Variants in CTNND1 observed in about 807,000 individuals in gnomAD.
CTNND1 encodes catenin delta-1.
CTNND1 carries 16 observed loss-of-function variants against 112.1 expected under a neutral mutation model. The observed-to-expected ratio is 0.14, with a 90% CI of 0.10 to 0.22. CTNND1 has a LOEUF of 0.22. Among genes scored for constraint, CTNND1 ranks in the 10% least tolerant of loss-of-function variants. The pLI, the probability that CTNND1 is intolerant of heterozygous loss-of-function variation, is 1.00. For synonymous variants in CTNND1, 420 were observed against 446.5 expected (o/e 0.94, Z 0.75); for missense variants, 1,008 against 1,257.0 (o/e 0.80, Z 3.00).
At chr11:57,809,922 G>T (rs2063132651) in intron 15 of CTNND1, among the ~76,000 whole-genome samples, 187 bp from the exon 16 acceptor site, 1 of 152,128 alleles carries the variant, frequency 6.6e-6, no homozygotes, top group Non-Finnish European at 1.5e-5. Flanking sequence ...TGTTAGCCAA[G>T]ATGGTCTCCA....
Position 57,808,303 on chromosome 11 carries a change from G to C in CTNND1, c.2091+11G>C, listed in dbSNP as rs1281755748. ...GCTGGGCGCTGGACGGTACCTTTTA[G>C]AAAAGGGATTTGGAGATGGGAAAAC... On this transcript the variant is annotated intron_variant, in intron 13 of 20. Transcript: ENST00000399050. The C allele has an allele frequency of 1.9e-6, 3 of 1,604,704 alleles. No individual in the cohort carries two copies. The highest frequency in any genetic ancestry group is 2.6e-6 in the Non-Finnish European group (3 of 1,172,266).
At chr11:57,765,442 T>C (rs1950814039) in intron 1 of CTNND1, among the ~76,000 whole-genome samples, 1 of 151,632 alleles carries the variant, frequency 6.6e-6, no homozygotes, top group Non-Finnish European at 1.5e-5. Flanking sequence ...TTTAACCTTT[T>C]ATGCGTCTCC....
chr11:57,763,357 G>A (rs1389223945), intron 1 of CTNND1, among the ~76,000 whole-genome samples: 3 of 152,094 alleles, frequency 2.0e-5, no homozygotes, highest in Admixed American at 1.3e-4. Flanking sequence ...CTGCTCATTA[G>A]CTTTAAACTG....
intron 20 of CTNND1, 37 bp from the exon 21 acceptor site, chr11:57,816,260 C>T (rs1196252745): frequency 3.1e-6 from 5 of 1,613,468 alleles, no homozygotes; most frequent in Admixed American, 1.7e-5. Context: ...TAATCCCAAC[C>T]CCATTAACAT....
At chr11:57,768,726 G>A (rs1951783007) in intron 1 of CTNND1, among the ~76,000 whole-genome samples, 1 of 151,988 alleles carries the variant, frequency 6.6e-6, no homozygotes, top group East Asian at 1.9e-4. Flanking sequence ...CCTTATTTGT[G>A]GACATTTATA....
At chr11:57,793,903 C>A in intron 3 of CTNND1, 107 bp from the exon 4 acceptor site, 1 of 1,044,564 alleles carries the variant, frequency 9.6e-7, no homozygotes, top group Non-Finnish European at 1.5e-6. Context: ...CCAGGCCACA[C>A]ATATCTTCTT....
intron 6 of CTNND1, among the ~76,000 whole-genome samples, chr11:57,800,458 G>T (rs753080653): frequency 7.2e-5 from 11 of 151,952 alleles, no homozygotes; most frequent in Non-Finnish European, 1.5e-4. Context: ...AGTAGAGATG[G>T]TGTTTTTCCA....
In CTNND1 at chr11:57,796,955, C is replaced by A. The variant is rs200103203; in HGVS notation, c.919C>A (p.Arg307=). 2.0e-6 allele frequency: 3 copies of A among 1,531,850 alleles called. No individual in the cohort carries two copies. The highest frequency in any genetic ancestry group is 2.7e-6 in the Non-Finnish European group (3 of 1,131,436). The allele number at this position is 1,531,850 out of a possible 1,614,324, so 94.9% of individuals were successfully genotyped here. Residue 307 remains arginine (R), a synonymous_variant, in exon 6 of 21, where the codon CGG becomes AGG. Coordinates refer to ENST00000399050, the MANE Select transcript of CTNND1 (RefSeq NM_001085458.2). Reference sequence around the variant, plus strand: ...GATGTCTGATTATGGCACTGCCCGTCGGACTGGGACACCCTCTGACCCTCG... The same window carrying A: ...GATGTCTGATTATGGCACTGCCCGTAGGACTGGGACACCCTCTGACCCTCG... ...GMMSDYGTAR[R]TGTPSDPRRR... is the part of the protein sequence containing the mutation.
At chr11:57,803,592 A>C in intron 7 of CTNND1, 29 bp from the exon 8 acceptor site, 1 of 1,577,400 alleles carries the variant, frequency 6.3e-7, no homozygotes, top group South Asian at 1.2e-5. Context: ...TGAATGCTCA[A>C]GAGCCATCTG....
rs375957333 is a variant in CTNND1 at position 57,803,594 on chromosome 11, A to G, written c.1421-27A>G. On this transcript the variant is annotated intron_variant, in intron 7 of 20. Transcript: ENST00000399050. The stretch of plus-strand genomic sequence containing the variant: ...AGACATATTGTCTTGAATGCTCAAG[A>G]GCCATCTGATGAATTGTCTCTTCCA... 8.4e-5 allele frequency: 133 copies of G among 1,580,030 alleles called. No individual in the cohort carries two copies. The African/African-American group carries it at 1.5e-3, about 18-fold the overall frequency.
chr11:57,811,032 C>A lies in CTNND1; in HGVS notation c.2551-367C>A, dbSNP rs932986083. Among the ~76,000 whole-genome samples, 5 of 152,020 alleles carry A rather than the reference C, an allele frequency of 3.3e-5. No individual in the cohort carries two copies. The East Asian group carries it at 9.7e-4, about 29-fold the overall frequency. On this transcript the variant is annotated intron_variant, in intron 16 of 20. Transcript: ENST00000399050. ...GTGTCTACAATTCATTTGTTGCCGA[C>A]ACAGCTCAGGTATCCCTCTATGTCA... is the stretch of plus-strand genomic sequence containing the variant.
chr11:57,787,314 G>A (rs1591386134), intron 1 of CTNND1, among the ~76,000 whole-genome samples: 1 of 152,106 alleles, frequency 6.6e-6, no homozygotes, highest in East Asian at 1.9e-4. Context: ...TTAGGAGTAG[G>A]GAAACCAGCC....
At chr11:57,776,565 C>T (rs1347064070) in intron 1 of CTNND1, among the ~76,000 whole-genome samples, 2 of 152,148 alleles carry the variant, frequency 1.3e-5, no homozygotes, top group African/African-American at 4.8e-5. Flanking sequence ...CCTTCCTACC[C>T]ATTGAGTATT....
intron 2 of CTNND1, among the ~76,000 whole-genome samples, chr11:57,790,762 G>T (rs2060651838): frequency 6.6e-6 from 1 of 151,870 alleles, no homozygotes; most frequent in Non-Finnish European, 1.5e-5. Context: ...GTTTCACTAT[G>T]TTGGCCAGAC....
At chr11:57,813,961 C>T (rs762921628) in intron 17 of CTNND1, 14 of 170,680 alleles carry the variant, frequency 8.2e-5, no homozygotes, top group Non-Finnish European at 1.5e-4. Flanking sequence ...GACTGTAAAA[C>T]GGCCTTGAGA....
chr11:57,781,443 ATT>A (rs1389250286), intron 1 of CTNND1, among the ~76,000 whole-genome samples: 1 of 151,808 alleles, frequency 6.6e-6, no homozygotes, highest in African/African-American at 2.4e-5. Context: ...GCTTTTTCTT[ATT>A]TTTCATAGTG....
At chr11:57,769,021 C>T (rs1390210960) in intron 1 of CTNND1, among the ~76,000 whole-genome samples, 1 of 150,946 alleles carries the variant, frequency 6.6e-6, no homozygotes, top group African/African-American at 2.4e-5. Context: ...AAAAATGAGA[C>T]AGAGGCTGGG....
At chr11:57,806,861 C>A in intron 11 of CTNND1, 54 bp from the exon 12 acceptor site, 1 of 1,442,542 alleles carries the variant, frequency 6.9e-7, no homozygotes, top group Non-Finnish European at 9.5e-7. Flanking sequence ...CAGGTGGAAT[C>A]TTTTCTTTTT....
Position 57,786,023 on chromosome 11 carries a change from T to G in CTNND1, c.-213-3014T>G, listed in dbSNP as rs571229596. 2.0e-5 allele frequency among the ~76,000 whole-genome samples: 3 copies of G among 152,254 alleles called. No individual in the cohort carries two copies. In the East Asian group the frequency reaches 5.8e-4, roughly 29 times the overall value. ...AGGATCTTTACTATGGACTATGGAC[T>G]CTGGGTAATAGCAGGAATATCTTTC... On this transcript the variant is annotated intron_variant, in intron 1 of 20. Coordinates refer to ENST00000399050, the MANE Select transcript of CTNND1 (RefSeq NM_001085458.2).
Sources: allele counts gnomAD v4.1 joint callset (sites outside exome capture counted in the v4.1 genomes callset), GRCh38; gene constraint gnomAD v4.1.1; transcripts MANE v1.5; gene names NCBI Gene and HGNC (gene_info 2026-07-23, HGNC 2026-07-21).